TMPRSS2: variants seen among roughly 807,000 people sequenced by gnomAD.
TMPRSS2 encodes the protein transmembrane protease serine 2.
In TMPRSS2, 59 loss-of-function variants were observed where a neutral mutation model predicts 67.4. The observed-to-expected ratio is 0.88, with a 90% confidence interval of 0.71 to 1.09. The LOEUF (loss-of-function observed/expected upper bound fraction) is 1.09. TMPRSS2 is among the 50% of genes least tolerant of loss of function. TMPRSS2 has a pLI of 0.00. For missense variants in TMPRSS2, 668 were observed against 642.7 expected, an observed-to-expected ratio of 1.04 and a Z score of -0.43; for synonymous variants, 257 against 257.0, an observed-to-expected ratio of 1.00 and a Z score of 0.00.
chr21:41,468,349 A>T, intron 12 of TMPRSS2, 47 bp downstream of exon 12: 1 of 1,608,028 alleles, frequency 6.2e-7, no homozygotes, highest in South Asian at 1.1e-5. Context: ...TGGGGGGTTC[A>T]GTAGGATCTG....
intron 1 of TMPRSS2, among the ~76,000 whole-genome samples, chr21:41,504,555 A>G (rs548678297): frequency 6.6e-6 from 1 of 152,326 alleles, no homozygotes; most frequent in South Asian, 2.1e-4. Flanking sequence ...GTCCCAGATC[A>G]GGCTCTGCCT....
In TMPRSS2 at chr21:41,485,252, T is replaced by C. The variant is rs532694622; in HGVS notation, c.445+3142A>G. Among the ~76,000 whole-genome samples the C allele has an allele frequency of 2.6e-5, 4 of 152,168 alleles. No individual in the cohort carries two copies. The South Asian group carries it at 8.3e-4, about 32-fold the overall frequency. On this transcript the variant is annotated intron_variant, in intron 5 of 13. Coordinates refer to ENST00000332149, the MANE Select transcript of TMPRSS2 (RefSeq NM_005656.4). ...AATAGTGTACAACTATTAAAGTATT[T>C]AAATAAATACGACTTAAATATTAAG...
rs747772174 is a variant in TMPRSS2, at chr21:41,473,332, C to G, written c.892G>C (p.Val298Leu). 6.3e-7 allele frequency: 1 copy of G among 1,597,684 alleles called. No individual in the cohort carries two copies. The highest frequency in any genetic ancestry group is 1.1e-5 in the South Asian group (1 of 89,318). Residue 298 changes from valine (V) to leucine (L), a missense_variant, in exon 9 of 14, where the codon GTG becomes CTG. Physicochemically the swap from Val to Leu is conservative, Grantham distance 32. Coordinates refer to ENST00000332149, the MANE Select transcript of TMPRSS2 (RefSeq NM_005656.4). ...GCGCCGCCCCTGGCATACTTTTCCA[C>G]GCAGTGGGCGGCTGTCACGATCCAC... ...PEWIVTAAHC[V>L]EKPLNNPWHW...
intron 10 of TMPRSS2, among the ~76,000 whole-genome samples, chr21:41,471,251 C>T (rs935660951): frequency 2.0e-5 from 3 of 152,130 alleles, no homozygotes; most frequent in Admixed American, 6.5e-5. Flanking sequence ...AGAGTGGGAC[C>T]GAATAAGAGG....
intron 1 of TMPRSS2, among the ~76,000 whole-genome samples, chr21:41,505,810 C>T (rs746669936): frequency 5.9e-5 from 9 of 152,146 alleles, no homozygotes; most frequent in Non-Finnish European, 7.3e-5. Flanking sequence ...AAAAGGAATC[C>T]GTACTGTGCC....
intron 3 of TMPRSS2, among the ~76,000 whole-genome samples, chr21:41,493,979 G>A (rs2838041): frequency 6.6e-6 from 1 of 152,158 alleles, no homozygotes; most frequent in African/African-American, 2.4e-5. Flanking sequence ...GTATGACAAA[G>A]GTAAGATAGT....
rs456298 is a variant in TMPRSS2, at chr21:41,464,824, T to A, written c.*1318A>T. On this transcript the variant is annotated 3_prime_UTR_variant, in exon 14 of 14. Transcript: ENST00000332149. The stretch of plus-strand genomic sequence containing the variant: ...GACAGATCCTGCAAATGGGATTGCA[T>A]GACTTTCCATTTCAAGGTTAAGTCC... The A allele has an allele frequency of 0.75, 175,065 of 233,154 alleles. 68,033 individuals carry two copies. Among genetic ancestry groups the A allele is most frequent in the Middle Eastern group, 0.87 (683 of 786 alleles). 14.4% of individuals were successfully genotyped at this position (233,154 alleles called of 1,614,324 possible).
chr21:41,494,248 C>T (rs1334512934), intron 3 of TMPRSS2, 108 bp downstream of exon 3: 34 of 1,175,250 alleles, frequency 2.9e-5, no homozygotes, highest in Non-Finnish European at 3.9e-5. Flanking sequence ...GGAGAAGGGT[C>T]AGACCAGGAG....
At chr21:41,479,626 C>T (rs765281819) in intron 6 of TMPRSS2, among the ~76,000 whole-genome samples, 1 of 43,510 alleles carries the variant, frequency 2.3e-5, no homozygotes, top group African/African-American at 1.2e-4. Flanking sequence ...CCACCAGGTT[C>T]CTGGACTGTG....
At chr21:41,500,970 G>C (rs435877) in intron 1 of TMPRSS2, among the ~76,000 whole-genome samples, 125,669 of 152,162 alleles carry the variant, frequency 0.83, 51,957 homozygotes, top group Middle Eastern at 0.87. Context: ...TTTCTCGGCT[G>C]TCCTATCTCC....
rs113034290 is a variant in TMPRSS2, at chr21:41,476,444, C to T, written c.727+133G>A. 2,198 of 844,878 alleles carry T rather than the reference C, an allele frequency of 2.6e-3. 7 individuals carry two copies. Among genetic ancestry groups the T allele is most frequent in the Middle Eastern group, 9.7e-3 (42 of 4,334 alleles). The allele number at this position is 844,878 out of a possible 1,614,324, so 52.3% of individuals were successfully genotyped here. A position where few individuals can be genotyped will look rare whatever the true frequency, so the allele number is the denominator to read the frequency against. On this transcript the variant is annotated intron_variant, in intron 8 of 13. Transcript: ENST00000332149. Reference sequence around the variant, plus strand: ...GAGCTCCTTGGAAAGAGCGAGACGCCGCTGGGCACATTCCAACCCGTGACC... The same window carrying T: ...GAGCTCCTTGGAAAGAGCGAGACGCTGCTGGGCACATTCCAACCCGTGACC...
chr21:41,498,524 G>A (rs557714443), intron 1 of TMPRSS2, among the ~76,000 whole-genome samples: 4 of 152,262 alleles, frequency 2.6e-5, no homozygotes, highest in African/African-American at 7.2e-5. Flanking sequence ...AACATCCATC[G>A]GGAAGGGCTC....
At chr21:41,477,552 A>G (rs939740619) in intron 7 of TMPRSS2, among the ~76,000 whole-genome samples, 1 of 151,228 alleles carries the variant, frequency 6.6e-6, no homozygotes, top group Non-Finnish European at 1.5e-5. Context: ...TCCTCCAACC[A>G]CCCCCAAACC....
In TMPRSS2 at chr21:41,480,568, C is replaced by T. The variant is rs1371846841; in HGVS notation, c.480G>A (p.Val160=). 4 of 1,613,880 alleles carry T rather than the reference C, an allele frequency of 2.5e-6. No individual in the cohort carries two copies. The highest frequency in any genetic ancestry group is 1.1e-5 in the South Asian group (1 of 91,086). The change falls in exon 6 of 14, where the codon GTG becomes GTA. Residue 160 remains valine, a synonymous_variant. Coordinates refer to ENST00000332149, the MANE Select transcript of TMPRSS2 (RefSeq NM_005656.4). ...RLYGPNFILQ[V]YSSQRKSWHP... ...GCCAGGACTTCCTCTGAGATGAGTA[C>T]ACCTGAAGGATGAAGTTTGGTCCGT...
chr21:41,467,817 C>T lies in TMPRSS2; in HGVS notation c.1384G>A (p.Gly462Ser), dbSNP rs1472953828. 1 of 1,614,110 alleles carries T rather than the reference C, an allele frequency of 6.2e-7. No individual in the cohort carries two copies. Among genetic ancestry groups the T allele is most frequent in the Non-Finnish European group, 8.5e-7 (1 of 1,180,056 alleles). ...CTGTAAGCTTTGGCACAGCCAGAAC[C>T]CCAGCTTGTATCCCCTATCAGCCAC... is the stretch of plus-strand genomic sequence containing the variant. ...IWWLIGDTSWGSGCAKAYRPG... is the reference protein window; with the variant it reads ...IWWLIGDTSWSSGCAKAYRPG... Residue 462 changes from glycine to serine, a missense_variant, in exon 13 of 14, where the codon GGT (glycine) becomes AGT (serine). By Grantham distance (56) the Gly-to-Ser change is moderately conservative. Transcript: ENST00000332149.
chr21:41,494,330 G>A (rs755844754), intron 3 of TMPRSS2, 26 bp downstream of exon 3: 20 of 1,610,178 alleles, frequency 1.2e-5, no homozygotes, highest in Non-Finnish European at 1.7e-5. Flanking sequence ...GTTTATTACA[G>A]GAAATAAACA....
chr21:41,479,277 T>A lies in TMPRSS2; in HGVS notation c.578A>T (p.Asn193Ile). The A allele has an allele frequency of 1.9e-6, 3 of 1,612,564 alleles. No individual in the cohort carries two copies. Among genetic ancestry groups the A allele is most frequent in the Non-Finnish European group, 2.5e-6 (3 of 1,179,254 alleles). The change falls in exon 7 of 14, where the codon AAT (asparagine) becomes ATT (isoleucine). Residue 193 changes from asparagine to isoleucine, a missense_variant. Physicochemically the swap from Asn to Ile is moderately radical, Grantham distance 149 (BLOSUM62 -3). Coordinates refer to ENST00000332149, the MANE Select transcript of TMPRSS2 (RefSeq NM_005656.4). ...AACRDMGYKNNFYSSQGIVDD... is the reference protein window; with the variant it reads ...AACRDMGYKNIFYSSQGIVDD... ...CACTATTCCTTGGCTAGAGTAAAAA[T>A]TATTCCTAAAAAAGAAAACCTTATT...
chr21:41,502,236 C>T (rs1468530312), intron 1 of TMPRSS2, among the ~76,000 whole-genome samples: 2 of 152,222 alleles, frequency 1.3e-5, no homozygotes, highest in Admixed American at 6.5e-5. Flanking sequence ...TAGTTTCTCT[C>T]CTCTGGAGAT....
At chr21:41,485,810 C>G (rs1161055098) in intron 5 of TMPRSS2, among the ~76,000 whole-genome samples, 1 of 152,124 alleles carries the variant, frequency 6.6e-6, no homozygotes, top group Non-Finnish European at 1.5e-5. Flanking sequence ...AAGTGCAAAC[C>G]TTTTTCTGGG....
Sources: allele counts gnomAD v4.1 joint callset (sites outside exome capture counted in the v4.1 genomes callset), GRCh38; gene constraint gnomAD v4.1.1; transcripts MANE v1.5; gene names NCBI Gene and HGNC (gene_info 2026-07-23, HGNC 2026-07-21).